CALU: variants seen among roughly 807,000 people sequenced by gnomAD.
CALU encodes the protein IEF SSP 9302.
In CALU, 13 loss-of-function variants were observed where a neutral mutation model predicts 37.5. That is an observed-to-expected ratio of 0.35 (90% CI 0.23 to 0.55). The LOEUF is 0.55. Ranked by LOEUF, CALU falls within the 20% of genes least tolerant of loss-of-function variation. The probability of loss-of-function intolerance (pLI) is 0.89; values close to 1 mark genes in which losing one functional copy is unlikely to be tolerated. For synonymous variants in CALU, 114 were observed against 133.8 expected, an observed-to-expected ratio of 0.85 and a Z score of 1.02; for missense variants, 282 against 391.7, an observed-to-expected ratio of 0.72 and a Z score of 2.36.
chr7:128,760,492 G>GTT (rs144545654), intron 5 of CALU, among the ~76,000 whole-genome samples: 7 of 151,274 alleles, frequency 4.6e-5, no homozygotes, highest in Non-Finnish European at 5.9e-5. Flanking sequence ...ATTATTGAGG[G>GTT]TTTTTTTTTA....
At chr7:128,758,491 G>A (rs1800978610) in intron 3 of CALU, among the ~76,000 whole-genome samples, 1 of 152,198 alleles carries the variant, frequency 6.6e-6, no homozygotes, top group Admixed American at 6.5e-5. Flanking sequence ...AGATAAAAGA[G>A]ACCAAGACAC....
chr7:128,758,813 C>T, intron 3 of CALU, 58 bp from the exon 4 acceptor site: 1 of 1,209,504 alleles, frequency 8.3e-7, no homozygotes, highest in Non-Finnish European at 1.2e-6. Flanking sequence ...TCCCACCCCA[C>T]ACATTTTCAT....
At chr7:128,741,838 C>T (rs768712831) in intron 1 of CALU, among the ~76,000 whole-genome samples, 1 of 152,284 alleles carries the variant, frequency 6.6e-6, no homozygotes, top group Non-Finnish European at 1.5e-5. Context: ...TTTTTTCTCT[C>T]AGAATTTCTA....
intron 1 of CALU, among the ~76,000 whole-genome samples, chr7:128,742,024 T>G (rs1250926450): frequency 2.0e-5 from 3 of 152,206 alleles, no homozygotes; most frequent in Admixed American, 6.5e-5. Flanking sequence ...TATAAATGTA[T>G]TCCCTCCATC....
In CALU at chr7:128,755,045, C is replaced by G. The variant is rs114953292; in HGVS notation, c.415+590C>G. 5.0e-3 allele frequency among the ~76,000 whole-genome samples: 758 copies of G among 151,272 alleles called. 11 individuals are homozygous for G. Among genetic ancestry groups the G allele is most frequent in the African/African-American group, 0.018 (724 of 41,206 alleles). On this transcript the variant is annotated intron_variant, in intron 3 of 6. Transcript: ENST00000249364. ...TACATTGGGCTGGGTGCCGATAGCT[C>G]ACGCCTATAAGCACTTTGGGATGCT... is the stretch of plus-strand genomic sequence containing the variant.
At chr7:128,754,685 G>A (rs1452488294) in intron 3 of CALU, 1 of 1,552,160 alleles carries the variant, frequency 6.4e-7, no homozygotes, top group Admixed American at 2.0e-5. Context: ...TAATCTCCTG[G>A]GATGAGTACA....
At chr7:128,753,984 A>AT (rs2128879869) in intron 2 of CALU, among the ~76,000 whole-genome samples, 1 of 152,358 alleles carries the variant, frequency 6.6e-6, no homozygotes, top group South Asian at 2.1e-4. Context: ...AGGAATGGAT[A>AT]TTCACTCCTG....
rs1584997658 is a variant in CALU, at chr7:128,742,836, G to C, written c.-12+3404G>C. 3.9e-5 allele frequency among the ~76,000 whole-genome samples: 6 copies of C among 152,236 alleles called. No homozygotes were observed. In the South Asian group the frequency reaches 1.2e-3, roughly 32 times the overall value. Reference sequence around the variant, plus strand: ...GATTCATGAAAACAACTTTATAGAAGACCATTATTGGTGACATACTAATAC... The same window carrying C: ...GATTCATGAAAACAACTTTATAGAACACCATTATTGGTGACATACTAATAC... On this transcript the variant is annotated intron_variant, in intron 1 of 6. Coordinates refer to ENST00000249364, the MANE Select transcript of CALU (RefSeq NM_001219.5).
Position 128,772,566 on chromosome 7 carries a change from A to G in CALU, c.*3399A>G. On this transcript the variant is annotated 3_prime_UTR_variant, in exon 7 of 7. Transcript: ENST00000249364. ...CAGTTGGGGCCAACTTGGGTAGACGAGACAGTAGAAACTTCTGTTTTCTGG... is the reference window on the plus strand; with the variant it reads ...CAGTTGGGGCCAACTTGGGTAGACGGGACAGTAGAAACTTCTGTTTTCTGG... 6.2e-7 allele frequency: 1 copy of G among 1,614,208 alleles called. No individual in the cohort carries two copies. Among genetic ancestry groups the G allele is most frequent in the Non-Finnish European group, 8.5e-7 (1 of 1,180,032 alleles).
rs551023888 is a variant in CALU at position 128,741,494 on chromosome 7, A to G, written c.-12+2062A>G. ...GGAGCTAAGGAGACAACTTAAGGTA[A>G]CCTATGGTCATTGTTTTTGAGTGGT... On this transcript the variant is annotated intron_variant, in intron 1 of 6. Coordinates refer to ENST00000249364, the MANE Select transcript of CALU (RefSeq NM_001219.5). Among the ~76,000 whole-genome samples the G allele has an allele frequency of 3.9e-5, 6 of 152,310 alleles. No individual in the cohort carries two copies. In the South Asian group the frequency reaches 1.2e-3, roughly 32 times the overall value.
At position 128,770,428 on chromosome 7, in the gene CALU, C is replaced by T. The variant is rs1164482115; in HGVS notation, c.*1261C>T. On this transcript the variant is annotated 3_prime_UTR_variant, in exon 7 of 7. Coordinates refer to ENST00000249364, the MANE Select transcript of CALU (RefSeq NM_001219.5). The stretch of plus-strand genomic sequence containing the variant: ...CAATGCAAACCACTTACTACCAGGC[C>T]TTTTTCTGTGTCCACTGGAGAGCTT... 2 of 152,588 alleles carry T rather than the reference C, an allele frequency of 1.3e-5. No individual in the cohort carries two copies. The highest frequency in any genetic ancestry group is 4.1e-4 in the South Asian group (2 of 4,832). The allele number at this position is 152,588 out of a possible 1,614,324, so 9.5% of individuals were successfully genotyped here.
At chr7:128,748,147 A>G (rs1165087513) in intron 1 of CALU, 1 of 470,576 alleles carries the variant, frequency 2.1e-6, no homozygotes, top group Non-Finnish European at 3.7e-6. Context: ...AGCTTCCTAG[A>G]TGATTCTAAT....
At chr7:128,740,147 ATAAACT>A (rs1800178137) in intron 1 of CALU, among the ~76,000 whole-genome samples, 1 of 152,220 alleles carries the variant, frequency 6.6e-6, no homozygotes, top group Non-Finnish European at 1.5e-5. Context: ...GCGGTCAGAA[ATAAACT>A]TAATTCCCTA....
intron 6 of CALU, among the ~76,000 whole-genome samples, chr7:128,768,858 A>AAAAAAAAAAAAAAC: frequency 6.6e-6 from 1 of 150,384 alleles, no homozygotes; most frequent in African/African-American, 2.5e-5. Context: ...AAAAAAAAAA[A>AAAAAAAAAAAAAAC]AAAAAAAAAA....
intron 1 of CALU, chr7:128,748,346 T>C (rs1337061812): frequency 7.4e-6 from 11 of 1,496,548 alleles, no homozygotes; most frequent in African/African-American, 2.8e-5. Flanking sequence ...CTTATCAGCC[T>C]ACAATCAGAT....
At chr7:128,760,889 C>G (rs1801087835) in intron 5 of CALU, among the ~76,000 whole-genome samples, 1 of 152,122 alleles carries the variant, frequency 6.6e-6, no homozygotes, top group South Asian at 2.1e-4. Flanking sequence ...GCCGGGGCTA[C>G]AGAGCGAGAC....
At chr7:128,764,319 G>A (rs960865391) in intron 5 of CALU, among the ~76,000 whole-genome samples, 10 of 152,012 alleles carry the variant, frequency 6.6e-5, no homozygotes, top group African/African-American at 2.4e-4. Flanking sequence ...TGTGCCTGTA[G>A]TCCCAGCAAC....
chr7:128,757,583 A>G (rs979039790), intron 3 of CALU, among the ~76,000 whole-genome samples: 4 of 152,168 alleles, frequency 2.6e-5, no homozygotes, highest in Non-Finnish European at 5.9e-5. Context: ...TGTTATTCTT[A>G]AAGGGGCCCT....
At chr7:128,745,135 G>A (rs561086647) in intron 1 of CALU, among the ~76,000 whole-genome samples, 13 of 152,176 alleles carry the variant, frequency 8.5e-5, no homozygotes, top group Non-Finnish European at 1.6e-4. Flanking sequence ...TTTTGAGAAT[G>A]TAATCATTTG....
Sources: allele counts gnomAD v4.1 joint callset (sites outside exome capture counted in the v4.1 genomes callset), GRCh38; gene constraint gnomAD v4.1.1; transcripts MANE v1.5; gene names NCBI Gene and HGNC (gene_info 2026-07-23, HGNC 2026-07-21).